Variants in MCAT observed in about 807,000 individuals in gnomAD.
MCAT encodes the protein malonyl-CoA-acyl carrier protein transacylase.
Under a neutral mutation model 22.9 loss-of-function variants are expected in MCAT, and 22 were observed. The ratio of observed to expected loss-of-function variants is 0.96; its 90% CI spans 0.69 to 1.37. The LOEUF is 1.37. MCAT is among the 40% of genes most tolerant of loss of function. MCAT has a pLI of 0.00. For missense variants in MCAT, 534 were observed against 533.6 expected, an observed-to-expected ratio of 1.00 and a Z score of -0.01; for synonymous variants, 240 against 233.9, an observed-to-expected ratio of 1.03 and a Z score of -0.24.
At chr22:43,137,360 C>T in intron 2 of MCAT, 62 bp from the exon 3 acceptor site, 2 of 1,394,418 alleles carry the variant, frequency 1.4e-6, no homozygotes, top group Non-Finnish European at 2.0e-6. Context: ...AAAGGCCAGG[C>T]CTGAGAAACA....
chr22:43,142,508 C>T (rs550037627), intron 1 of MCAT, among the ~76,000 whole-genome samples: 37 of 151,464 alleles, frequency 2.4e-4, no homozygotes, highest in Non-Finnish European at 4.7e-4. Flanking sequence ...CAAAACGGGC[C>T]GGGCACGGTG....
intron 3 of MCAT, among the ~76,000 whole-genome samples, chr22:43,135,669 C>G (rs1175138800): frequency 6.6e-6 from 1 of 152,130 alleles, no homozygotes; most frequent in Non-Finnish European, 1.5e-5. Context: ...AAGGGAACGC[C>G]TAACTAGCTC....
intron 3 of MCAT, among the ~76,000 whole-genome samples, chr22:43,133,945 A>ATAAG (rs1930530603): frequency 6.6e-6 from 1 of 151,866 alleles, no homozygotes; most frequent in Non-Finnish European, 1.5e-5. Context: ...AGCTGGGACT[A>ATAAG]CAGGCGCCCG....
chr22:43,137,405 C>T, intron 2 of MCAT, 107 bp from the exon 3 acceptor site: 2 of 872,114 alleles, frequency 2.3e-6, no homozygotes. Flanking sequence ...GAGACAGGGG[C>T]ACTGGTGTCT....
In MCAT at chr22:43,137,391, A is replaced by G. The variant is rs960864311; in HGVS notation, c.512-93T>C. The G allele has an allele frequency of 8.9e-6, 9 of 1,015,574 alleles. No homozygotes were observed. The African/African-American group carries it at 1.4e-4, about 16-fold the overall frequency. The allele number at this position is 1,015,574 out of a possible 1,614,324, so 62.9% of individuals were successfully genotyped here. A position where few individuals can be genotyped will look rare whatever the true frequency, so the allele number is the denominator to read the frequency against. ...AAACAAAGCCCAAGCTCCACTCTGC[A>G]CTAGAGACAGGGGCACTGGTGTCTG... On this transcript the variant is annotated intron_variant, in intron 2 of 3. Coordinates refer to ENST00000290429, the MANE Select transcript of MCAT (RefSeq NM_173467.5).
chr22:43,134,301 A>G (rs539526902), intron 3 of MCAT, among the ~76,000 whole-genome samples: 2 of 152,280 alleles, frequency 1.3e-5, no homozygotes, highest in Admixed American at 6.5e-5. Flanking sequence ...GGGCGAGCCA[A>G]TAGCTCCAAA....
rs1930641261 is a variant in MCAT at position 43,137,226 on chromosome 22, G to T, written c.584C>A (p.Ser195Tyr). 1.2e-6 allele frequency: 2 copies of T among 1,614,098 alleles called. No individual in the cohort carries two copies. The highest frequency in any genetic ancestry group is 2.2e-5 in the South Asian group (2 of 91,096). ...ASEAVPSGMLSVLGQPQSKFN... is the reference protein window; with the variant it reads ...ASEAVPSGMLYVLGQPQSKFN... ...CTTGGACTGAGGCTGGCCGAGGACA[G>T]ACAGCATCCCACTGGGGACAGCTTC... Residue 195 changes from serine (S) to tyrosine (Y), a missense_variant, in exon 3 of 4, where the codon TCT becomes TAT. By Grantham distance (144) the Ser-to-Tyr change is moderately radical. Transcript: ENST00000290429.
chr22:43,141,192 C>T lies in MCAT; in HGVS notation c.481G>A (p.Val161Met). Residue 161 changes from valine (V) to methionine (M), a missense_variant, in exon 2 of 4, where the codon GTG becomes ATG. Transcript: ENST00000290429. ...GCAAATTCCATGGCTCCGGCAAACA[C>T]TAGGGCTGCAAACTCTCCCACACTG... is the stretch of plus-strand genomic sequence containing the variant. Reference protein sequence around the residue: ...GFSVGEFAALVFAGAMEFAEG... With the variant: ...GFSVGEFAALMFAGAMEFAEG... 1.2e-6 allele frequency: 2 copies of T among 1,614,148 alleles called. No homozygotes were observed. Among genetic ancestry groups the T allele is most frequent in the Non-Finnish European group, 1.7e-6 (2 of 1,180,032 alleles).
intron 2 of MCAT, among the ~76,000 whole-genome samples, chr22:43,139,562 C>G (rs1265670846): frequency 1.4e-5 from 2 of 145,306 alleles, no homozygotes; most frequent in African/African-American, 2.6e-5. Flanking sequence ...AAAAGTGTAA[C>G]TATGCTATAA....
intron 3 of MCAT, among the ~76,000 whole-genome samples, chr22:43,133,950 C>T (rs1236021648): frequency 2.0e-5 from 3 of 152,098 alleles, no homozygotes; most frequent in Middle Eastern, 3.4e-3. Flanking sequence ...GGACTACAGG[C>T]GCCCGCCACC....
In MCAT at chr22:43,133,070, G is replaced by T. The variant is rs1440743403; in HGVS notation, c.1146C>A (p.Asp382Glu). Residue 382 changes from aspartate (D) to glutamate (E), a missense_variant, in exon 4 of 4, where the codon GAC becomes GAA. Physicochemically the swap from Asp to Glu is conservative, Grantham distance 45. Coordinates refer to ENST00000290429, the MANE Select transcript of MCAT (RefSeq NM_173467.5). ...VDVLQTLEHV[D>E]LDPQEPPR is the part of the protein sequence containing the mutation. Reference sequence around the variant, plus strand: ...ATCTCGGGGGCTCCTGAGGGTCCAGGTCCACATGTTCGAGGGTCTGCAGCA... The same window carrying T: ...ATCTCGGGGGCTCCTGAGGGTCCAGTTCCACATGTTCGAGGGTCTGCAGCA... 6.2e-7 allele frequency: 1 copy of T among 1,614,040 alleles called. No individual in the cohort carries two copies. The highest frequency in any genetic ancestry group is 2.2e-5 in the East Asian group (1 of 44,874).
rs1397621705 is a variant in MCAT, at chr22:43,143,074, G to C, written c.275C>G (p.Ala92Gly). Reference sequence around the variant, plus strand: ...GTAGCCCAGCACGCGGCGGGCGGCGGCGTAGAGTTCGCGGACGCGCGGGTA... The same window carrying C: ...GTAGCCCAGCACGCGGCGGGCGGCGCCGTAGAGTTCGCGGACGCGCGGGTA... Reference protein sequence around the residue: ...LNYPRVRELYAAARRVLGYDL... With the variant: ...LNYPRVRELYGAARRVLGYDL... Residue 92 changes from alanine (A) to glycine (G), a missense_variant, in exon 1 of 4, where the codon GCC (alanine) becomes GGC (glycine). Coordinates refer to ENST00000290429, the MANE Select transcript of MCAT (RefSeq NM_173467.5). The C allele has an allele frequency of 6.2e-7, 1 of 1,608,732 alleles. No individual in the cohort carries two copies. Among genetic ancestry groups the C allele is most frequent in the South Asian group, 1.1e-5 (1 of 90,796 alleles).
chr22:43,137,030 C>T, intron 3 of MCAT, 51 bp downstream of exon 3: 4 of 1,524,938 alleles, frequency 2.6e-6, no homozygotes, highest in Non-Finnish European at 3.6e-6. Context: ...GGAGCAGTTC[C>T]AACCCTCCGT....
In MCAT at chr22:43,143,319, C is replaced by T. The variant is rs1930839551; in HGVS notation, c.30G>A (p.Trp10Ter). The change falls in exon 1 of 4, where the codon TGG becomes TGA. Residue 10 changes from tryptophan (W) to a stop codon, truncating the protein, a stop_gained. Transcript: ENST00000290429. LOFTEE classifies it high-confidence loss of function. ...GGTAGCTGGCGCCCAAGCCCCTGAC[C>T]CACGCTACCCGTGCGACCCGGACGC... is the stretch of plus-strand genomic sequence containing the variant. MSVRVARVA[W>*]VRGLGASYRR... The T allele has an allele frequency of 2.1e-6, 3 of 1,403,472 alleles. No homozygotes were observed. Among genetic ancestry groups the T allele is most frequent in the Admixed American group, 3.5e-5 (1 of 28,630 alleles). The allele number at this position is 1,403,472 out of a possible 1,614,324, so 86.9% of individuals were successfully genotyped here.
chr22:43,133,552 T>C, intron 3 of MCAT, 66 bp from the exon 4 acceptor site: 1 of 1,294,898 alleles, frequency 7.7e-7, no homozygotes, highest in Non-Finnish European at 1.1e-6. Context: ...ATCTGACCAT[T>C]CACAGGGCCA....
Position 43,143,089 on chromosome 22 carries a change from A to G in MCAT, c.260T>C (p.Val87Ala). The G allele has an allele frequency of 6.2e-7, 1 of 1,606,892 alleles. No homozygotes were observed. Among genetic ancestry groups the G allele is most frequent in the Non-Finnish European group, 8.5e-7 (1 of 1,179,050 alleles). ...MGRGLLNYPR[V>A]RELYAAARRV... ...GCGGGCGGCGGCGTAGAGTTCGCGGACGCGCGGGTAGTTGAGCAGACCGCG... is the reference window on the plus strand; with the variant it reads ...GCGGGCGGCGGCGTAGAGTTCGCGGGCGCGCGGGTAGTTGAGCAGACCGCG... The change falls in exon 1 of 4, where the codon GTC becomes GCC. Residue 87 changes from valine (V) to alanine (A), a missense_variant. Transcript: ENST00000290429.
intron 2 of MCAT, among the ~76,000 whole-genome samples, chr22:43,140,584 A>G (rs1352493190): frequency 6.6e-6 from 1 of 152,164 alleles, no homozygotes; most frequent in Non-Finnish European, 1.5e-5. Context: ...TCCTGGGCTC[A>G]AACATCTATC....
rs867467429 is a variant in MCAT at position 43,142,346 on chromosome 22, G to T, written c.423+580C>A. Among the ~76,000 whole-genome samples the T allele has an allele frequency of 9.9e-5, 15 of 151,766 alleles. No homozygotes were observed. In the South Asian group the frequency reaches 1.2e-3, roughly 13 times the overall value. ...AGTAAAGAATAAAAAAATTAGCCGG[G>T]CGTGGTGGTGTGCACCTGTGATCCC... On this transcript the variant is annotated intron_variant, in intron 1 of 3. Coordinates refer to ENST00000290429, the MANE Select transcript of MCAT (RefSeq NM_173467.5).
chr22:43,140,633 A>T (rs1930741214), intron 2 of MCAT, among the ~76,000 whole-genome samples: 1 of 152,094 alleles, frequency 6.6e-6, no homozygotes, highest in Admixed American at 6.6e-5. Flanking sequence ...ACAGGTGTGA[A>T]TCACTGCACC....
Sources: allele counts gnomAD v4.1 joint callset (sites outside exome capture counted in the v4.1 genomes callset), GRCh38; gene constraint gnomAD v4.1.1; transcripts MANE v1.5; gene names NCBI Gene and HGNC (gene_info 2026-07-23, HGNC 2026-07-21).